The following RAB11FIP4 variants were observed in gnomAD, a reference collection of about 807,000 sequenced individuals.
The protein encoded by RAB11FIP4 is RAB11 family interacting protein 4, also known as rab11 family-interacting protein 4.
RAB11FIP4 carries 23 observed loss-of-function variants against 74.3 expected under a neutral mutation model. The ratio of observed to expected loss-of-function variants is 0.31; its 90% CI spans 0.22 to 0.44. The LOEUF (loss-of-function observed/expected upper bound fraction) is 0.44. RAB11FIP4 is among the 20% of genes least tolerant of loss of function. RAB11FIP4 has a pLI of 1.00. For missense variants in RAB11FIP4, 630 were observed against 863.9 expected, an observed-to-expected ratio of 0.73 and a Z score of 3.39; for synonymous variants, 360 against 359.9, an observed-to-expected ratio of 1.00 and a Z score of 0.00.
intron 1 of RAB11FIP4, among the ~76,000 whole-genome samples, chr17:31,402,882 C>T (rs2071005500): frequency 6.6e-6 from 1 of 152,024 alleles, no homozygotes; most frequent in African/African-American, 2.4e-5. Context: ...GCCTTGGCCT[C>T]CCAAAGTGCT....
chr17:31,480,793 C>CAAAAAAAAAAAA (rs36097331), intron 3 of RAB11FIP4, among the ~76,000 whole-genome samples: 5 of 73,840 alleles, frequency 6.8e-5, no homozygotes, highest in Non-Finnish European at 1.0e-4. Context: ...GACTCCGTCT[C>CAAAAAAAAAAAA]AAAAAAAAAA....
At chr17:31,453,962 G>C (rs1193845336) in intron 3 of RAB11FIP4, among the ~76,000 whole-genome samples, 1 of 152,070 alleles carries the variant, frequency 6.6e-6, no homozygotes, top group Non-Finnish European at 1.5e-5. Context: ...CTGATAGCAA[G>C]GCCTGGGGCC....
At chr17:31,523,275 T>C in intron 7 of RAB11FIP4, 1 of 568,792 alleles carries the variant, frequency 1.8e-6, no homozygotes, top group South Asian at 2.0e-5. Context: ...GGAGAAGCTG[T>C]GCGTCATTGG....
Position 31,466,841 on chromosome 17 carries a change from G to A in RAB11FIP4, c.336+32719G>A, listed in dbSNP as rs537305196. ...CCTCAGAGTCCCTAATGGGGACCCA[G>A]GGATGCTACCACCTTGAGTCTCAAA... is the stretch of plus-strand genomic sequence containing the variant. On this transcript the variant is annotated intron_variant, in intron 3 of 14. Coordinates refer to ENST00000621161, the MANE Select transcript of RAB11FIP4 (RefSeq NM_032932.6). 3.9e-5 allele frequency among the ~76,000 whole-genome samples: 6 copies of A among 152,312 alleles called. No homozygotes were observed. The South Asian group carries it at 1.2e-3, about 32-fold the overall frequency.
At chr17:31,510,798 C>A (rs894508881) in intron 3 of RAB11FIP4, among the ~76,000 whole-genome samples, 5 of 152,188 alleles carry the variant, frequency 3.3e-5, no homozygotes, top group African/African-American at 1.2e-4. Context: ...GTCCCAGGGG[C>A]TGGATGGGAG....
intron 3 of RAB11FIP4, among the ~76,000 whole-genome samples, chr17:31,452,393 G>A (rs1468181767): frequency 6.6e-6 from 1 of 152,184 alleles, no homozygotes; most frequent in Non-Finnish European, 1.5e-5. Flanking sequence ...ATCATGCCCT[G>A]CCTCAGTGCT....
In RAB11FIP4 at chr17:31,488,297, G is replaced by A. The variant is rs574083313; in HGVS notation, c.337-29354G>A. 173 of 1,173,482 alleles carry A rather than the reference G, an allele frequency of 1.5e-4. 2 individuals are homozygous for A. In the South Asian group the frequency reaches 5.3e-3, roughly 36 times the overall value. The allele number at this position is 1,173,482 out of a possible 1,614,324, so 72.7% of individuals were successfully genotyped here. ...GGTAAGCGGCGGCCCCGGGGCTGGCGCTCGCAGGGCTCCGGCGGCGCGCAC... is the reference window on the plus strand; with the variant it reads ...GGTAAGCGGCGGCCCCGGGGCTGGCACTCGCAGGGCTCCGGCGGCGCGCAC... On this transcript the variant is annotated intron_variant, in intron 3 of 14. Coordinates refer to ENST00000621161, the MANE Select transcript of RAB11FIP4 (RefSeq NM_032932.6).
intron 1 of RAB11FIP4, among the ~76,000 whole-genome samples, chr17:31,410,311 G>A (rs560746515): frequency 5.9e-5 from 9 of 152,252 alleles, no homozygotes; most frequent in Admixed American, 3.3e-4. Context: ...CTGCCACCAC[G>A]TGGTCCCAGG....
At chr17:31,417,130 A>C (rs1597905339) in intron 1 of RAB11FIP4, among the ~76,000 whole-genome samples, 1 of 138,926 alleles carries the variant, frequency 7.2e-6, no homozygotes, top group African/African-American at 2.8e-5. Flanking sequence ...TGTCCCCCTC[A>C]CCTGGCCAGC....
At chr17:31,422,199 A>G (rs931636897) in intron 1 of RAB11FIP4, among the ~76,000 whole-genome samples, 1 of 152,122 alleles carries the variant, frequency 6.6e-6, no homozygotes, top group Admixed American at 6.6e-5. Flanking sequence ...AAAAAGTATT[A>G]TAGTTTGTTT....
At chr17:31,431,304 C>T (rs1219772755) in intron 1 of RAB11FIP4, among the ~76,000 whole-genome samples, 1 of 152,146 alleles carries the variant, frequency 6.6e-6, no homozygotes, top group African/African-American at 2.4e-5. Flanking sequence ...AAACTTACTT[C>T]CTTATTCATC....
intron 1 of RAB11FIP4, among the ~76,000 whole-genome samples, chr17:31,420,458 C>T (rs929091338): frequency 1.3e-5 from 2 of 152,010 alleles, no homozygotes; most frequent in Non-Finnish European, 2.9e-5. Flanking sequence ...ATCTTGAATG[C>T]CTGGTCTCAA....
rs1350827687 is a variant in RAB11FIP4, at chr17:31,512,476, C to T, written c.337-5175C>T. Among the ~76,000 whole-genome samples the T allele has an allele frequency of 2.0e-5, 3 of 152,124 alleles. No homozygotes were observed. The highest frequency in any genetic ancestry group is 2.1e-4 in the South Asian group (1 of 4,834). On this transcript the variant is annotated intron_variant, in intron 3 of 14. Transcript: ENST00000621161. This position sits in a 1 kb window ranked among gnomAD's most constrained non-coding sequence, Gnocchi z 4.1. Reference sequence around the variant, plus strand: ...GCCTCCTGGGGCTTCTGGAGGAACACGCTGCTGCATCCGCTCTCTCCCTTC... The same window carrying T: ...GCCTCCTGGGGCTTCTGGAGGAACATGCTGCTGCATCCGCTCTCTCCCTTC...
intron 3 of RAB11FIP4, among the ~76,000 whole-genome samples, chr17:31,456,484 G>C (rs2071580156): frequency 6.6e-6 from 1 of 152,230 alleles, no homozygotes; most frequent in South Asian, 2.1e-4. Flanking sequence ...TGGAATTACA[G>C]GCGTGGGCCA....
intron 1 of RAB11FIP4, among the ~76,000 whole-genome samples, chr17:31,430,886 C>T (rs1469645766): frequency 1.3e-5 from 2 of 152,010 alleles, no homozygotes; most frequent in Non-Finnish European, 2.9e-5. Context: ...TGCTGAAGAA[C>T]CCTGCAGTGG....
intron 2 of RAB11FIP4, among the ~76,000 whole-genome samples, chr17:31,433,617 G>A (rs553623950): frequency 1.3e-5 from 2 of 152,196 alleles, no homozygotes; most frequent in African/African-American, 2.4e-5. Flanking sequence ...GCCCTGTCCT[G>A]GACGTCCCAG....
intron 1 of RAB11FIP4, among the ~76,000 whole-genome samples, chr17:31,431,289 G>A (rs1484079065): frequency 1.3e-5 from 2 of 152,156 alleles, no homozygotes; most frequent in Non-Finnish European, 2.9e-5. Context: ...GACTCTGCCA[G>A]GTGAAAACTT....
intron 1 of RAB11FIP4, among the ~76,000 whole-genome samples, chr17:31,403,540 T>C (rs1405974534): frequency 1.3e-5 from 2 of 152,116 alleles, no homozygotes; most frequent in Non-Finnish European, 2.9e-5. Context: ...GCCAGGATGA[T>C]CTCGATCTCC....
At position 31,411,645 on chromosome 17, in the gene RAB11FIP4, A is replaced by G. The variant is rs544148352; in HGVS notation, c.159+19634A>G. Among the ~76,000 whole-genome samples, 3 of 152,314 alleles carry G rather than the reference A, an allele frequency of 2.0e-5. No homozygotes were observed. The East Asian group carries it at 5.8e-4, about 29-fold the overall frequency. Reference sequence around the variant, plus strand: ...TGGGAAAGAGGTTTAAATTATAAATAAGGGCCTCAATCATGGATGAGGCCT... The same window carrying G: ...TGGGAAAGAGGTTTAAATTATAAATGAGGGCCTCAATCATGGATGAGGCCT... On this transcript the variant is annotated intron_variant, in intron 1 of 14. Coordinates refer to ENST00000621161, the MANE Select transcript of RAB11FIP4 (RefSeq NM_032932.6).
Sources: gnomAD v4.1 joint callset for allele counts (sites outside exome capture counted in the v4.1 genomes callset) on GRCh38, gnomAD v4.1.1 for gene constraint, Gnocchi (gnomAD v3.1) non-coding constraint, MANE v1.5 for transcripts, NCBI Gene and HGNC (gene_info 2026-07-23, HGNC 2026-07-21) for gene names.